The following PLCB1 variants were observed in gnomAD, a reference collection of about 807,000 sequenced individuals.
The protein encoded by PLCB1 is 1-phosphatidylinositol 4,5-bisphosphate phosphodiesterase beta-1.
A neutral mutation model predicts 161.8 loss-of-function variants in PLCB1; 46 were observed. The ratio of observed to expected loss-of-function variants is 0.28; its 90% CI spans 0.22 to 0.36. PLCB1 has a LOEUF of 0.36. Ranked by LOEUF, PLCB1 falls within the 10% of genes least tolerant of loss-of-function variation. The pLI is 1.00. For missense variants in PLCB1, 1,016 were observed against 1,472.5 expected (o/e 0.69, Z 5.07); for synonymous variants, 517 against 503.7 (o/e 1.03, Z -0.35).
intron 31 of PLCB1, among the ~76,000 whole-genome samples, chr20:8,806,095 C>T (rs576839046): frequency 5.3e-5 from 8 of 152,256 alleles, no homozygotes; most frequent in African/African-American, 1.9e-4. Context: ...GCAGCACGTT[C>T]ACATTGCTCA....
At chr20:8,558,464 A>G (rs1404468014) in intron 3 of PLCB1, among the ~76,000 whole-genome samples, 1 of 151,936 alleles carries the variant, frequency 6.6e-6, no homozygotes, top group East Asian at 1.9e-4. Flanking sequence ...ATCAAGCATA[A>G]CAATGTAAGG....
chr20:8,234,800 T>C (rs1443663276), intron 2 of PLCB1, among the ~76,000 whole-genome samples: 1 of 152,144 alleles, frequency 6.6e-6, no homozygotes, highest in Non-Finnish European at 1.5e-5. Flanking sequence ...TCTTGGCTGA[T>C]TATCAGTGTC....
At chr20:8,638,451 G>A (rs1408516170) in intron 4 of PLCB1, among the ~76,000 whole-genome samples, 1 of 151,906 alleles carries the variant, frequency 6.6e-6, no homozygotes, top group Non-Finnish European at 1.5e-5. Flanking sequence ...AATCAGAGCA[G>A]GATATTATAG....
intron 3 of PLCB1, among the ~76,000 whole-genome samples, chr20:8,574,026 A>G (rs1441152778): frequency 6.6e-6 from 1 of 152,244 alleles, no homozygotes. Flanking sequence ...TTTGAAACAT[A>G]CAAATTAGAG....
At chr20:8,150,772 C>G (rs1019265872) in intron 2 of PLCB1, among the ~76,000 whole-genome samples, 3 of 152,234 alleles carry the variant, frequency 2.0e-5, no homozygotes, top group South Asian at 2.1e-4. Context: ...CTTTCTCTCT[C>G]TTTTCCCCTG....
chr20:8,651,710 A>G (rs1162059802), intron 7 of PLCB1: 1 of 476,458 alleles, frequency 2.1e-6, no homozygotes, highest in African/African-American at 1.9e-5. Flanking sequence ...GCCAATAAGC[A>G]TGCCAACAAA....
intron 31 of PLCB1, among the ~76,000 whole-genome samples, chr20:8,862,000 T>C (rs1987272968): frequency 6.6e-6 from 1 of 152,186 alleles, no homozygotes; most frequent in Non-Finnish European, 1.5e-5. Context: ...AAGACTTTTC[T>C]TTAAAATTGT....
intron 26 of PLCB1, 130 bp downstream of exon 26, chr20:8,765,488 G>A (rs1982272140): frequency 1.5e-6 from 1 of 656,430 alleles, no homozygotes; most frequent in Non-Finnish European, 2.6e-6. Flanking sequence ...GTTCTCCATA[G>A]CTTTTGTGGC....
At chr20:8,201,867 A>T (rs2052094437) in intron 2 of PLCB1, among the ~76,000 whole-genome samples, 1 of 152,216 alleles carries the variant, frequency 6.6e-6, no homozygotes, top group Admixed American at 6.5e-5. Context: ...ATGAGCAGAC[A>T]TGAAGAACAC....
At chr20:8,383,482 A>C (rs910595391) in intron 3 of PLCB1, among the ~76,000 whole-genome samples, 2 of 152,154 alleles carry the variant, frequency 1.3e-5, no homozygotes, top group Non-Finnish European at 2.9e-5. Context: ...TCTTGACTCT[A>C]TCCAATTTGC....
chr20:8,789,559 T>TGCA lies in PLCB1; in HGVS notation c.3322_3324dup (p.Gln1108dup). 1 of 1,611,708 alleles carries TGCA rather than the reference T, an allele frequency of 6.2e-7. No homozygotes were observed. The highest frequency in any genetic ancestry group is 8.5e-7 in the Non-Finnish European group (1 of 1,177,818). ...ATCCGGTCATATATCCAGGAAGTGG[T>TGCA]GCAGTATATCAAGAGGGTATGTGGG... On this transcript the variant is annotated inframe_insertion, in exon 30 of 32. Coordinates refer to ENST00000338037, the MANE Select transcript of PLCB1 (RefSeq NM_015192.4).
At chr20:8,452,123 C>G (rs990394277) in intron 3 of PLCB1, among the ~76,000 whole-genome samples, 3 of 152,198 alleles carry the variant, frequency 2.0e-5, no homozygotes, top group Non-Finnish European at 4.4e-5. Flanking sequence ...AACTGTATCT[C>G]AGATGAGCTT....
intron 14 of PLCB1, 79 bp from the exon 15 acceptor site, chr20:8,722,275 A>T: frequency 9.7e-7 from 1 of 1,031,900 alleles, no homozygotes; most frequent in Non-Finnish European, 1.4e-6. Flanking sequence ...AATTGATTTT[A>T]GGTAAAATAT....
chr20:8,821,556 T>C (rs1352285326), intron 31 of PLCB1, among the ~76,000 whole-genome samples: 1 of 108,800 alleles, frequency 9.2e-6, no homozygotes, highest in African/African-American at 3.2e-5. Context: ...TATATATATA[T>C]ATTTAAATGA....
intron 3 of PLCB1, among the ~76,000 whole-genome samples, chr20:8,552,786 C>T (rs1985816777): frequency 6.6e-6 from 1 of 152,140 alleles, no homozygotes; most frequent in African/African-American, 2.4e-5. Flanking sequence ...AGACTCACTA[C>T]CCATGTTTAG....
At chr20:8,848,693 AGGGC>A (rs1986779473) in intron 31 of PLCB1, among the ~76,000 whole-genome samples, 1 of 152,054 alleles carries the variant, frequency 6.6e-6, no homozygotes, top group Non-Finnish European at 1.5e-5. Flanking sequence ...TGGATGAAGG[AGGGC>A]TGGGGGGCCA....
chr20:8,549,696 G>A (rs1985704679), intron 3 of PLCB1, among the ~76,000 whole-genome samples: 1 of 152,124 alleles, frequency 6.6e-6, no homozygotes, highest in Non-Finnish European at 1.5e-5. Flanking sequence ...CTGGGCTCAA[G>A]TGTAGCTGGG....
intron 3 of PLCB1, among the ~76,000 whole-genome samples, chr20:8,384,756 G>A (rs1004805033): frequency 2.2e-4 from 34 of 152,234 alleles, no homozygotes; most frequent in African/African-American, 7.5e-4. Context: ...CTGTTTGTTT[G>A]TTTTTCTTTC....
intron 3 of PLCB1, among the ~76,000 whole-genome samples, chr20:8,559,400 A>G (rs1986070451): frequency 6.6e-6 from 1 of 151,976 alleles, no homozygotes; most frequent in Admixed American, 6.6e-5. Flanking sequence ...GGGGGAATTG[A>G]GAAACAGGAA....
Sources: allele counts gnomAD v4.1 joint callset (sites outside exome capture counted in the v4.1 genomes callset), GRCh38; gene constraint gnomAD v4.1.1; transcripts MANE v1.5; gene names NCBI Gene and HGNC (gene_info 2026-07-23, HGNC 2026-07-21).